ICA1: variants seen among roughly 807,000 people sequenced by gnomAD.
ICA1 encodes the protein islet cell autoantigen 1, also known as 69 kDa islet cell autoantigen.
Under a neutral mutation model 71.0 loss-of-function variants are expected in ICA1, and 40 were observed. That is an observed-to-expected ratio of 0.56 (90% CI 0.44 to 0.73). The LOEUF is 0.73. Ranked by LOEUF, ICA1 falls within the 30% of genes least tolerant of loss-of-function variation. ICA1 has a pLI of 0.00. For missense variants in ICA1, 578 were observed against 576.5 expected (o/e 1.00, Z -0.03); for synonymous variants, 207 against 209.5 (o/e 0.99, Z 0.10).
chr7:8,114,203 C>T (rs147936156), intron 13 of ICA1, 159 bp from the exon 14 acceptor site: 27 of 760,868 alleles, frequency 3.5e-5, no homozygotes, highest in African/African-American at 1.0e-4. Flanking sequence ...TTCCAACTCC[C>T]GTGGCTGGTT....
chr7:8,210,542 G>A (rs1793312461), intron 6 of ICA1, among the ~76,000 whole-genome samples: 1 of 151,886 alleles, frequency 6.6e-6, no homozygotes, highest in Non-Finnish European at 1.5e-5. Flanking sequence ...CAAATTAACA[G>A]ACCACTATAT....
At chr7:8,197,780 T>C (rs1562956285) in intron 6 of ICA1, among the ~76,000 whole-genome samples, 2 of 151,752 alleles carry the variant, frequency 1.3e-5, no homozygotes, top group Non-Finnish European at 2.9e-5. Flanking sequence ...AGATGACTTA[T>C]AACTAAATGA....
intron 1 of ICA1, among the ~76,000 whole-genome samples, chr7:8,242,210 A>T (rs1246941398): frequency 6.6e-6 from 1 of 152,226 alleles, no homozygotes; most frequent in Non-Finnish European, 1.5e-5. Context: ...GTCACAACAA[A>T]CTGTCTCTCA....
intron 6 of ICA1, among the ~76,000 whole-genome samples, chr7:8,216,115 T>C (rs1239368922): frequency 6.6e-6 from 1 of 152,220 alleles, no homozygotes; most frequent in African/African-American, 2.4e-5. Context: ...CAAAACATCA[T>C]GAGGTCAGCT....
intron 6 of ICA1, among the ~76,000 whole-genome samples, chr7:8,169,762 T>G (rs1308676373): frequency 6.6e-6 from 1 of 152,112 alleles, no homozygotes; most frequent in Non-Finnish European, 1.5e-5. Flanking sequence ...CAGACTAAAT[T>G]TGAAAACATT....
intron 6 of ICA1, among the ~76,000 whole-genome samples, chr7:8,171,903 T>A (rs1808503040): frequency 6.6e-6 from 1 of 151,994 alleles, no homozygotes; most frequent in South Asian, 2.1e-4. Flanking sequence ...TTCCAATTAT[T>A]CAGGGGATAT....
intron 13 of ICA1, among the ~76,000 whole-genome samples, chr7:8,119,529 T>C (rs1453141939): frequency 6.6e-6 from 1 of 152,184 alleles, no homozygotes; most frequent in Non-Finnish European, 1.5e-5. Context: ...AAGTGAAACA[T>C]CTGTGTATCA....
chr7:8,177,715 A>G (rs1217223882), intron 6 of ICA1, among the ~76,000 whole-genome samples: 1 of 152,242 alleles, frequency 6.6e-6, no homozygotes, highest in Non-Finnish European at 1.5e-5. Context: ...CACTGTAAGT[A>G]AACACAACTC....
chr7:8,117,368 A>G (rs1785138381), intron 13 of ICA1, among the ~76,000 whole-genome samples: 1 of 152,202 alleles, frequency 6.6e-6, no homozygotes, highest in African/African-American at 2.4e-5. Flanking sequence ...AGAGGCATTC[A>G]GCACTCCTGT....
chr7:8,191,503 G>A (rs934785372), intron 6 of ICA1, among the ~76,000 whole-genome samples: 1 of 152,168 alleles, frequency 6.6e-6, no homozygotes. Context: ...TGTGTTAGAT[G>A]ATTTTGCCCC....
intron 6 of ICA1, among the ~76,000 whole-genome samples, chr7:8,216,603 A>G (rs1295946483): frequency 7.1e-6 from 1 of 139,964 alleles, no homozygotes; most frequent in African/African-American, 3.0e-5. Flanking sequence ...AATTCCACAT[A>G]AAATTCTTCT....
intron 13 of ICA1, among the ~76,000 whole-genome samples, chr7:8,119,121 C>T (rs1785796579): frequency 6.6e-6 from 1 of 152,160 alleles, no homozygotes; most frequent in African/African-American, 2.4e-5. Flanking sequence ...CAGAGGGGCC[C>T]ACTTCAGGAC....
chr7:8,153,034 C>T (rs1382009507), intron 8 of ICA1, among the ~76,000 whole-genome samples: 2 of 152,172 alleles, frequency 1.3e-5, no homozygotes, highest in Non-Finnish European at 2.9e-5. Flanking sequence ...TCCTTTGTCA[C>T]CACCGCTGCC....
At chr7:8,158,820 G>A (rs1384762794) in intron 6 of ICA1, among the ~76,000 whole-genome samples, 168 bp from the exon 7 acceptor site, 1 of 152,142 alleles carries the variant, frequency 6.6e-6, no homozygotes, top group African/African-American at 2.4e-5. Flanking sequence ...ACCTCCAAAG[G>A]AGCCAAATGA....
Position 8,128,177 on chromosome 7 carries a change from G to A in ICA1, c.1061-35C>T, listed in dbSNP as rs372731415. 95 of 1,600,654 alleles carry A rather than the reference G, an allele frequency of 5.9e-5. 1 individual carries two copies. The African/African-American group carries it at 7.2e-4, about 12-fold the overall frequency. On this transcript the variant is annotated intron_variant, in intron 12 of 13. Coordinates refer to ENST00000402384, the MANE Select transcript of ICA1 (RefSeq NM_001136020.3). ...GTAACAGAGAACAAAACGTCACCAC[G>A]GAGGGCTCAAGCCCTCAGGAATCAA...
At chr7:8,192,426 A>T (rs1028059153) in intron 6 of ICA1, among the ~76,000 whole-genome samples, 10 of 152,196 alleles carry the variant, frequency 6.6e-5, no homozygotes, top group African/African-American at 2.2e-4. Flanking sequence ...TCCTCAGTGC[A>T]TGGTATCATG....
chr7:8,129,377 A>T (rs1990523), intron 12 of ICA1, among the ~76,000 whole-genome samples: 124,340 of 146,824 alleles, frequency 0.85, 51,799 homozygotes, highest in East Asian at 0.99. Flanking sequence ...CTTTTTTTTT[A>T]AAAAAAAAAA....
At chr7:8,151,525 A>G (rs1403411030) in intron 8 of ICA1, among the ~76,000 whole-genome samples, 1 of 152,250 alleles carries the variant, frequency 6.6e-6, no homozygotes, top group African/African-American at 2.4e-5. Flanking sequence ...TGACAATGAG[A>G]GAAAACTTGA....
rs1326218048 is a variant in ICA1, at chr7:8,128,092, C to G, written c.1111G>C (p.Asp371His). ...GTPEPEGADK[D>H]DLLLLSEIFN... ...ATCTCACTCAACAGCAGCAGGTCAT[C>G]TTTGTCAGCACCTTCAGGTTCCGGG... is the stretch of plus-strand genomic sequence containing the variant. The change falls in exon 13 of 14, where the codon GAT becomes CAT. Residue 371 changes from aspartate to histidine, a missense_variant. Asp to His is a moderately conservative substitution (Grantham distance 81). Transcript: ENST00000402384. 2 of 1,614,220 alleles carry G rather than the reference C, an allele frequency of 1.2e-6. No individual in the cohort carries two copies. The highest frequency in any genetic ancestry group is 3.3e-5 in the Admixed American group (2 of 60,030).
Sources: allele counts gnomAD v4.1 joint callset (sites outside exome capture counted in the v4.1 genomes callset), GRCh38; gene constraint gnomAD v4.1.1; transcripts MANE v1.5; gene names NCBI Gene and HGNC (gene_info 2026-07-23, HGNC 2026-07-21).